Variants in CADPS observed in about 807,000 individuals in gnomAD.
The protein encoded by CADPS is calcium-dependent secretion activator 1.
Under a neutral mutation model 167.3 loss-of-function variants are expected in CADPS, and 57 were observed. The observed-to-expected ratio is 0.34, with a 90% CI of 0.28 to 0.42. The LOEUF is 0.42. CADPS is among the 20% of genes least tolerant of loss of function. CADPS has a pLI of 1.00. For missense variants in CADPS, 1,414 were observed against 1,738.1 expected (o/e 0.81, Z 3.32); for synonymous variants, 676 against 635.3 (o/e 1.06, Z -0.96).
chr3:62,725,620 G>C (rs498326), intron 3 of CADPS, among the ~76,000 whole-genome samples: 34,317 of 149,934 alleles, frequency 0.23, 4,378 homozygotes, highest in African/African-American at 0.32. Context: ...ATTATTATGT[G>C]CAAAATATTT....
chr3:62,750,171 G>C (rs1288026967), intron 3 of CADPS, among the ~76,000 whole-genome samples: 4 of 151,556 alleles, frequency 2.6e-5, no homozygotes, highest in Non-Finnish European at 2.9e-5. Flanking sequence ...GGCCAACATG[G>C]AAAAACCCAC....
chr3:62,786,150 T>C (rs975284033), intron 1 of CADPS, among the ~76,000 whole-genome samples: 23 of 152,098 alleles, frequency 1.5e-4, no homozygotes, highest in African/African-American at 5.5e-4. Flanking sequence ...GAGGCAGAGG[T>C]TGCAGTGAGC....
chr3:62,604,829 A>T (rs2060469737), intron 6 of CADPS, among the ~76,000 whole-genome samples: 1 of 152,212 alleles, frequency 6.6e-6, no homozygotes, highest in Non-Finnish European at 1.5e-5. Flanking sequence ...GTTCCTGAGT[A>T]TCTTTAGAGA....
intron 1 of CADPS, among the ~76,000 whole-genome samples, chr3:62,802,668 A>G (rs1166872335): frequency 6.6e-6 from 1 of 152,188 alleles, no homozygotes; most frequent in Admixed American, 6.6e-5. Context: ...AATCCCAGGT[A>G]TTGAATGAAT....
At chr3:62,821,787 T>C (rs2094932969) in intron 1 of CADPS, among the ~76,000 whole-genome samples, 1 of 152,312 alleles carries the variant, frequency 6.6e-6, no homozygotes, top group Admixed American at 6.5e-5. Context: ...GTTCAATTTT[T>C]GCTGGACACA....
chr3:62,795,459 C>T (rs967751018), intron 1 of CADPS, among the ~76,000 whole-genome samples: 1 of 152,146 alleles, frequency 6.6e-6, no homozygotes, highest in Non-Finnish European at 1.5e-5. Context: ...ACTCAATAAA[C>T]ATTAAATCAA....
chr3:62,695,720 G>C (rs1385173127), intron 3 of CADPS, among the ~76,000 whole-genome samples: 1 of 152,014 alleles, frequency 6.6e-6, no homozygotes, highest in Admixed American at 6.6e-5. Flanking sequence ...ACCCAGGCTG[G>C]AATGCAGTGG....
At chr3:62,727,208 ATAGTAGCT>A (rs1575545346) in intron 3 of CADPS, among the ~76,000 whole-genome samples, 1 of 151,898 alleles carries the variant, frequency 6.6e-6, no homozygotes, top group Non-Finnish European at 1.5e-5. Flanking sequence ...AACTTTATTC[ATAGTAGCT>A]TCAAACTAGA....
intron 1 of CADPS, among the ~76,000 whole-genome samples, chr3:62,785,261 G>A (rs1423835165): frequency 1.3e-5 from 2 of 152,118 alleles, no homozygotes; most frequent in African/African-American, 2.4e-5. Context: ...GGTGGGAGTG[G>A]TGGCGGGGTC....
At position 62,546,980 on chromosome 3, in the gene CADPS, G is replaced by A. The variant is rs1456583929; in HGVS notation, c.1966+2923C>T. ...TAACTACCCAATGATACCATGGAAT[G>A]TAAAATTCCTGGTTCCTTTCTTGAT... On this transcript the variant is annotated intron_variant, in intron 11 of 29. Transcript: ENST00000383710. Among the ~76,000 whole-genome samples the A allele has an allele frequency of 2.0e-5, 3 of 152,108 alleles. No individual in the cohort carries two copies. In the East Asian group the frequency reaches 5.8e-4, roughly 29 times the overall value.
At chr3:62,659,493 G>A (rs1263558522) in intron 4 of CADPS, among the ~76,000 whole-genome samples, 3 of 152,146 alleles carry the variant, frequency 2.0e-5, no homozygotes, top group African/African-American at 2.4e-5. Flanking sequence ...GGACTTAAAC[G>A]GATGTCCTCA....
chr3:62,463,500 A>C (rs568463098), intron 26 of CADPS, among the ~76,000 whole-genome samples: 26 of 152,288 alleles, frequency 1.7e-4, no homozygotes, highest in African/African-American at 5.8e-4. Context: ...TTTCCCACTC[A>C]TGTGCCCTGA....
intron 1 of CADPS, among the ~76,000 whole-genome samples, chr3:62,789,381 A>ATGGGT (rs754942380): frequency 6.6e-6 from 1 of 152,210 alleles, no homozygotes; most frequent in Non-Finnish European, 1.5e-5. Context: ...TAATAAACCC[A>ATGGGT]TTATATAGTC....
Position 62,516,113 on chromosome 3 carries a change from C to T in CADPS, c.2527G>A (p.Glu843Lys). 6.2e-7 allele frequency: 1 copy of T among 1,613,338 alleles called. No individual in the cohort carries two copies. Among genetic ancestry groups the T allele is most frequent in the Non-Finnish European group, 8.5e-7 (1 of 1,179,458 alleles). ...GAATAGTTGACTAACGCAGCCTGTTCCAGACATTTACGGATAACTGTTTTT... is the reference window on the plus strand; with the variant it reads ...GAATAGTTGACTAACGCAGCCTGTTTCAGACATTTACGGATAACTGTTTTT... ...EVKTVIRKCL[E>K]QAALVNYSRL... is the part of the protein sequence containing the mutation. The change falls in exon 16 of 30, where the codon GAA becomes AAA. Residue 843 changes from glutamate (E) to lysine (K), a missense_variant. Glu to Lys is a moderately conservative substitution (Grantham distance 56, BLOSUM62 1). Coordinates refer to ENST00000383710, the MANE Select transcript of CADPS (RefSeq NM_003716.4).
chr3:62,791,866 T>C (rs1454194639), intron 1 of CADPS, among the ~76,000 whole-genome samples: 2 of 152,226 alleles, frequency 1.3e-5, no homozygotes, highest in Non-Finnish European at 2.9e-5. Context: ...AAGATTAAAT[T>C]AGATAATGTA....
intron 6 of CADPS, among the ~76,000 whole-genome samples, chr3:62,638,107 A>ATATATATATATATG (rs1579348080): frequency 6.7e-6 from 1 of 150,334 alleles, no homozygotes; most frequent in African/African-American, 2.5e-5. Flanking sequence ...ATATATATAT[A>ATATATATATATATG]GCAATTAATT....
At chr3:62,517,964 C>T (rs921369950) in intron 14 of CADPS, among the ~76,000 whole-genome samples, 185 bp downstream of exon 14, 1 of 152,154 alleles carries the variant, frequency 6.6e-6, no homozygotes, top group Non-Finnish European at 1.5e-5. Context: ...ATAACATGAA[C>T]TTAAGAATGC....
At chr3:62,411,675 G>C (rs371913176) in intron 28 of CADPS, among the ~76,000 whole-genome samples, 2 of 152,122 alleles carry the variant, frequency 1.3e-5, no homozygotes, top group Non-Finnish European at 2.9e-5. Context: ...AACGATTACC[G>C]GGGATCTGGT....
At chr3:62,712,619 T>C (rs935575629) in intron 3 of CADPS, among the ~76,000 whole-genome samples, 1 of 152,192 alleles carries the variant, frequency 6.6e-6, no homozygotes, top group Non-Finnish European at 1.5e-5. Context: ...TTAATTTAAT[T>C]AGCTAAGAGT....
Sources: gnomAD v4.1 joint callset for allele counts (sites outside exome capture counted in the v4.1 genomes callset) on GRCh38, gnomAD v4.1.1 for gene constraint, MANE v1.5 for transcripts, NCBI Gene and HGNC (gene_info 2026-07-23, HGNC 2026-07-21) for gene names.